The following SNX24 variants were observed in gnomAD, a reference collection of about 807,000 sequenced individuals.
SNX24 encodes sorting nexin-24.
A neutral mutation model predicts 28.7 loss-of-function variants in SNX24; 22 were observed. The ratio of observed to expected loss-of-function variants is 0.77; its 90% CI spans 0.55 to 1.10. The LOEUF (loss-of-function observed/expected upper bound fraction) is 1.10, where lower values mean the gene tolerates loss of function less well. SNX24 is among the 50% of genes least tolerant of loss of function. The pLI is 0.00. For synonymous variants in SNX24, 69 were observed against 71.5 expected, an observed-to-expected ratio of 0.96 and a Z score of 0.18; for missense variants, 221 against 201.1, an observed-to-expected ratio of 1.10 and a Z score of -0.60.
chr5:122,916,762 T>C (rs1758187954), intron 1 of SNX24, among the ~76,000 whole-genome samples: 1 of 152,190 alleles, frequency 6.6e-6, no homozygotes, highest in Admixed American at 6.5e-5. Flanking sequence ...TGAATGATAA[T>C]CTTTCTTTAC....
intron 1 of SNX24, among the ~76,000 whole-genome samples, chr5:122,902,737 A>T (rs1324896616): frequency 6.6e-6 from 1 of 152,108 alleles, no homozygotes; most frequent in African/African-American, 2.4e-5. Flanking sequence ...TGTCATGCTT[A>T]AGTTATTGCT....
rs1762307193 is a variant in SNX24 at position 123,003,200 on chromosome 5, A to G, written c.442+1196A>G. Among the ~76,000 whole-genome samples, 4 of 152,198 alleles carry G rather than the reference A, an allele frequency of 2.6e-5. No individual in the cohort carries two copies. The South Asian group carries it at 8.3e-4, about 32-fold the overall frequency. On this transcript the variant is annotated intron_variant, in intron 6 of 6. Coordinates refer to ENST00000261369, the MANE Select transcript of SNX24 (RefSeq NM_014035.4). ...GCTGTCAGTTTGAAGAAGGGTGGCCAGGACGCAGCCCTGCTCCTCCCTAGG... is the reference window on the plus strand; with the variant it reads ...GCTGTCAGTTTGAAGAAGGGTGGCCGGGACGCAGCCCTGCTCCTCCCTAGG...
chr5:123,026,949 C>T (rs987681835), intron 5 of SNX24, among the ~76,000 whole-genome samples: 1 of 152,132 alleles, frequency 6.6e-6, no homozygotes, highest in Admixed American at 6.6e-5. Context: ...AATCCCAGCA[C>T]TTTGGGAGGC....
intron 3 of SNX24, among the ~76,000 whole-genome samples, chr5:122,976,387 A>T (rs1211440257): frequency 6.6e-6 from 1 of 151,120 alleles, no homozygotes; most frequent in African/African-American, 2.4e-5. Flanking sequence ...TGTGTTATTT[A>T]TTCTCATAGC....
chr5:122,968,418 G>T (rs1166348257), intron 3 of SNX24, among the ~76,000 whole-genome samples: 1 of 152,108 alleles, frequency 6.6e-6, no homozygotes. Flanking sequence ...GAAGAGTTTG[G>T]GTGGGTCTTT....
intron 3 of SNX24, among the ~76,000 whole-genome samples, chr5:122,962,358 T>C (rs1301040388): frequency 6.6e-6 from 1 of 152,262 alleles, no homozygotes; most frequent in Non-Finnish European, 1.5e-5. Context: ...ATTTACATGC[T>C]TTCCATTGAT....
intron 5 of SNX24, chr5:123,024,118 G>T: frequency 7.6e-7 from 1 of 1,323,186 alleles, no homozygotes; most frequent in Non-Finnish European, 1.0e-6. Context: ...AGGTTGGTTG[G>T]TTGGTTGGTT....
Position 123,007,854 on chromosome 5 carries a change from G to A in SNX24, c.*105G>A. 6.6e-7 allele frequency: 1 copy of A among 1,521,118 alleles called. No homozygotes were observed. Among genetic ancestry groups the A allele is most frequent in the Non-Finnish European group, 8.8e-7 (1 of 1,138,722 alleles). 94.2% of individuals were successfully genotyped at this position (1,521,118 alleles called of 1,614,324 possible). On this transcript the variant is annotated 3_prime_UTR_variant, in exon 7 of 7. Transcript: ENST00000261369. ...AACGCTATGATATATAACAGCTCTA[G>A]CTAGTGGTAAAGTGCACAGTCCCAG...
intron 1 of SNX24, among the ~76,000 whole-genome samples, chr5:122,889,306 G>GTATATA (rs1554069750): frequency 4.6e-5 from 7 of 151,294 alleles, no homozygotes; most frequent in Admixed American, 1.3e-4. Context: ...TTTTTTATAG[G>GTATATA]TATCTATATC....
intron 1 of SNX24, among the ~76,000 whole-genome samples, chr5:122,929,681 C>T (rs772799853): frequency 6.6e-6 from 1 of 152,000 alleles, no homozygotes; most frequent in Non-Finnish European, 1.5e-5. Flanking sequence ...TGCTTTGACA[C>T]TATCACTAAA....
chr5:122,911,466 T>G (rs1232434564), intron 1 of SNX24, among the ~76,000 whole-genome samples: 27 of 151,940 alleles, frequency 1.8e-4, no homozygotes, highest in Non-Finnish European at 2.4e-4. Flanking sequence ...AGAAGCTCTT[T>G]AGTTTAATTA....
Position 122,982,204 on chromosome 5 carries a change from G to C in SNX24, c.250-17708G>C, listed in dbSNP as rs540293182. On this transcript the variant is annotated intron_variant, in intron 3 of 6. Transcript: ENST00000261369. ...ATTTCTTGAGCATCTCCTATGTCAA[G>C]GGCATGCCAGTGCTTCCTGTGTGGA... Among the ~76,000 whole-genome samples the C allele has an allele frequency of 2.0e-5, 3 of 152,300 alleles. No homozygotes were observed. In the East Asian group the frequency reaches 5.8e-4, roughly 29 times the overall value.
intron 1 of SNX24, among the ~76,000 whole-genome samples, chr5:122,895,084 T>G (rs2150074118): frequency 6.6e-6 from 1 of 151,970 alleles, no homozygotes; most frequent in East Asian, 1.9e-4. Context: ...TTGTTAGTAT[T>G]ATTCAGCCAA....
chr5:122,933,845 C>T (rs1178344527), intron 1 of SNX24, among the ~76,000 whole-genome samples: 2 of 150,760 alleles, frequency 1.3e-5, no homozygotes, highest in African/African-American at 2.4e-5. Flanking sequence ...TTTTTTTCCA[C>T]GATCTCTGCT....
chr5:122,963,063 G>A (rs35830997), intron 3 of SNX24, among the ~76,000 whole-genome samples: 41 of 152,120 alleles, frequency 2.7e-4, no homozygotes, highest in African/African-American at 8.7e-4. Context: ...GTGAAACCTC[G>A]TCTCTGCTAA....
chr5:122,891,534 A>AT (rs1165224327), intron 1 of SNX24, among the ~76,000 whole-genome samples: 2 of 152,050 alleles, frequency 1.3e-5, no homozygotes, highest in African/African-American at 2.4e-5. Flanking sequence ...GTAAATTGCA[A>AT]TTTTTTATAA....
intron 1 of SNX24, among the ~76,000 whole-genome samples, chr5:122,907,535 A>C (rs1211509687): frequency 1.3e-5 from 2 of 152,166 alleles, no homozygotes; most frequent in African/African-American, 4.8e-5. Context: ...TTGAGAAGTC[A>C]CATGGCAAAA....
chr5:122,889,799 A>G (rs1365657798), intron 1 of SNX24, among the ~76,000 whole-genome samples: 2 of 150,548 alleles, frequency 1.3e-5, no homozygotes, highest in Non-Finnish European at 3.0e-5. Context: ...CCTAAGGACA[A>G]AAAATCTCTT....
chr5:122,952,952 C>T (rs905175068), intron 3 of SNX24, among the ~76,000 whole-genome samples: 1 of 152,076 alleles, frequency 6.6e-6, no homozygotes, highest in Non-Finnish European at 1.5e-5. Flanking sequence ...TCTGGAGTCC[C>T]AGAAGGAAAG....
Sources: gnomAD v4.1 joint callset for allele counts (sites outside exome capture counted in the v4.1 genomes callset) on GRCh38, gnomAD v4.1.1 for gene constraint, MANE v1.5 for transcripts, NCBI Gene and HGNC (gene_info 2026-07-23, HGNC 2026-07-21) for gene names.